Variants in KLHL32 observed in about 807,000 individuals in gnomAD.
The protein encoded by KLHL32 is kelch like family member 32.
KLHL32 carries 35 observed loss-of-function variants against 64.8 expected under a neutral mutation model. The observed-to-expected ratio is 0.54, with a 90% CI of 0.41 to 0.72. The LOEUF is 0.72. KLHL32 is among the 30% of genes least tolerant of loss of function. The pLI, the probability that KLHL32 is intolerant of heterozygous loss-of-function variation, is 0.00. For synonymous variants in KLHL32, 259 were observed against 281.0 expected, an observed-to-expected ratio of 0.92 and a Z score of 0.78; for missense variants, 589 against 768.5, an observed-to-expected ratio of 0.77 and a Z score of 2.76.
intron 4 of KLHL32, among the ~76,000 whole-genome samples, chr6:97,059,937 G>T (rs1456881052): frequency 6.6e-6 from 1 of 152,130 alleles, no homozygotes; most frequent in Non-Finnish European, 1.5e-5. Context: ...CTATAAAGAA[G>T]GGAGGAAATG....
chr6:97,096,100 ATTAG>A (rs1025003925), intron 6 of KLHL32, among the ~76,000 whole-genome samples: 2 of 152,134 alleles, frequency 1.3e-5, no homozygotes, highest in African/African-American at 4.8e-5. Flanking sequence ...TTTTTACCTT[ATTAG>A]TTATATACCC....
chr6:97,032,098 A>T (rs1034521211), intron 3 of KLHL32, among the ~76,000 whole-genome samples: 1 of 152,256 alleles, frequency 6.6e-6, no homozygotes, highest in African/African-American at 2.4e-5. Context: ...AAGTTTCAAG[A>T]TAAATTGCCC....
At chr6:97,061,173 C>G (rs991862307) in intron 4 of KLHL32, among the ~76,000 whole-genome samples, 3 of 152,168 alleles carry the variant, frequency 2.0e-5, no homozygotes, top group Non-Finnish European at 2.9e-5. Flanking sequence ...AAGAAACATT[C>G]ATGCCCCCAC....
chr6:96,976,176 G>T lies in KLHL32; in HGVS notation c.203G>T (p.Arg68Leu). The T allele has an allele frequency of 6.5e-7, 1 of 1,548,024 alleles. No individual in the cohort carries two copies. The highest frequency in any genetic ancestry group is 1.2e-5 in the South Asian group (1 of 83,546). ...CTAGCAGCATGCAGTGACTATTTCC[G>T]GGTAAGTCAGCATTGTTTGTTTCTC... Reference protein sequence around the residue: ...AVLAACSDYFRAMFSLCMVES... With the variant: ...AVLAACSDYFLAMFSLCMVES... Residue 68 changes from arginine to leucine, a missense_variant and splice_region_variant, in exon 3 of 11, where the codon CGG becomes CTG. Coordinates refer to ENST00000369261, the MANE Select transcript of KLHL32 (RefSeq NM_052904.4).
At chr6:97,111,433 AGT>A (rs1282553312) in intron 6 of KLHL32, among the ~76,000 whole-genome samples, 1 of 152,214 alleles carries the variant, frequency 6.6e-6, no homozygotes, top group Non-Finnish European at 1.5e-5. Flanking sequence ...CAGCCGCTTC[AGT>A]GCCAGCAGAG....
intron 7 of KLHL32, among the ~76,000 whole-genome samples, chr6:97,121,665 C>T (rs887991066): frequency 7.9e-5 from 12 of 151,612 alleles, no homozygotes; most frequent in African/African-American, 2.4e-4. Context: ...ATGTCCAAAT[C>T]GTTGGCTACA....
chr6:97,087,195 C>G (rs1215685236), intron 6 of KLHL32, among the ~76,000 whole-genome samples: 1 of 152,124 alleles, frequency 6.6e-6, no homozygotes, highest in Non-Finnish European at 1.5e-5. Context: ...ATTCAGCAGG[C>G]AATAAGAAAC....
the KLHL32 span, among the ~76,000 whole-genome samples, chr6:96,905,956 T>C: frequency 6.6e-6 from 1 of 152,202 alleles, no homozygotes; most frequent in African/African-American, 2.4e-5. Flanking sequence ...CTTTTTGGAT[T>C]AGTTTCTTAT....
At chr6:96,973,999 G>A (rs376452776) in intron 2 of KLHL32, among the ~76,000 whole-genome samples, 79 of 152,198 alleles carry the variant, frequency 5.2e-4, no homozygotes, top group African/African-American at 1.8e-3. Context: ...TGGGATTACA[G>A]GCATGAGCCA....
At chr6:97,113,526 T>A (rs567180581) in intron 6 of KLHL32, among the ~76,000 whole-genome samples, 11 of 152,246 alleles carry the variant, frequency 7.2e-5, no homozygotes, top group African/African-American at 2.4e-4. Flanking sequence ...TCACCCCAAA[T>A]GGTATCTGAA....
intron 3 of KLHL32, among the ~76,000 whole-genome samples, chr6:96,985,752 G>A (rs972201650): frequency 1.3e-4 from 20 of 151,554 alleles, no homozygotes; most frequent in African/African-American, 4.6e-4. Flanking sequence ...TCTAGAATTG[G>A]TTATTCTAGT....
chr6:96,913,370 C>T, the KLHL32 span, among the ~76,000 whole-genome samples: 1 of 152,122 alleles, frequency 6.6e-6, no homozygotes, highest in Admixed American at 6.5e-5. Context: ...AATGTAGGTC[C>T]CAGCTTGACT....
chr6:97,112,871 T>G (rs1017609952), intron 6 of KLHL32, among the ~76,000 whole-genome samples: 2 of 149,548 alleles, frequency 1.3e-5, no homozygotes, highest in African/African-American at 4.9e-5. Context: ...TAATTTTATT[T>G]ATAAAATTAT....
chr6:97,137,399 A>G (rs1800143141), intron 10 of KLHL32, among the ~76,000 whole-genome samples: 1 of 152,176 alleles, frequency 6.6e-6, no homozygotes, highest in South Asian at 2.1e-4. Context: ...TTCAATAAAG[A>G]GATTGGGACA....
intron 1 of KLHL32, among the ~76,000 whole-genome samples, chr6:96,929,792 G>GA (rs1189818589): frequency 6.6e-6 from 1 of 151,616 alleles, no homozygotes; most frequent in Non-Finnish European, 1.5e-5. Flanking sequence ...AACTATGTAG[G>GA]AAAAAAAACA....
chr6:96,979,876 C>T (rs118111795), intron 3 of KLHL32, among the ~76,000 whole-genome samples: 94 of 152,112 alleles, frequency 6.2e-4, no homozygotes, highest in Non-Finnish European at 1.2e-3. Flanking sequence ...GCTCTTTTAC[C>T]TCTCCGGTTG....
intron 3 of KLHL32, among the ~76,000 whole-genome samples, chr6:96,981,522 T>G (rs1288417100): frequency 6.6e-6 from 1 of 152,170 alleles, no homozygotes; most frequent in African/African-American, 2.4e-5. Context: ...CATTGATCTT[T>G]TATATGATTT....
intron 1 of KLHL32, among the ~76,000 whole-genome samples, chr6:96,953,210 G>T (rs1772840785): frequency 6.6e-6 from 1 of 152,124 alleles, no homozygotes; most frequent in Non-Finnish European, 1.5e-5. Context: ...TTGTTTCCAA[G>T]AATCTATCAA....
intron 1 of KLHL32, among the ~76,000 whole-genome samples, chr6:96,944,388 T>C (rs1168138735): frequency 6.6e-6 from 1 of 152,238 alleles, no homozygotes; most frequent in Non-Finnish European, 1.5e-5. Flanking sequence ...TTTAAGTTTC[T>C]TTACAATAGA....
Sources: gnomAD v4.1 joint callset for allele counts (sites outside exome capture counted in the v4.1 genomes callset) on GRCh38, gnomAD v4.1.1 for gene constraint, MANE v1.5 for transcripts, NCBI Gene and HGNC (gene_info 2026-07-23, HGNC 2026-07-21) for gene names.